RCOR3: variants seen among roughly 807,000 people sequenced by gnomAD.
The protein encoded by RCOR3 is REST corepressor 3.
A neutral mutation model predicts 64.1 loss-of-function variants in RCOR3; 13 were observed. That is an observed-to-expected ratio of 0.20 (90% CI 0.13 to 0.32). The LOEUF is 0.32. Ranked by LOEUF, RCOR3 falls within the 10% of genes least tolerant of loss-of-function variation. The probability of loss-of-function intolerance (pLI) is 1.00; values close to 1 mark genes in which losing one functional copy is unlikely to be tolerated. For missense variants in RCOR3, 489 were observed against 701.2 expected, an observed-to-expected ratio of 0.70 and a Z score of 3.42; for synonymous variants, 215 against 239.0, an observed-to-expected ratio of 0.90 and a Z score of 0.93.
At chr1:211,290,511 A>G (rs1699122130) in intron 8 of RCOR3, among the ~76,000 whole-genome samples, 1 of 152,094 alleles carries the variant, frequency 6.6e-6, no homozygotes, top group Non-Finnish European at 1.5e-5. Flanking sequence ...GACAATAACT[A>G]TCTTGTGGAT....
intron 7 of RCOR3, among the ~76,000 whole-genome samples, chr1:211,281,764 A>G (rs1441554080): frequency 2.0e-5 from 3 of 152,240 alleles, no homozygotes; most frequent in East Asian, 1.9e-4. Context: ...TAGCTTCTCT[A>G]TGAAATCTTG....
At chr1:211,265,262 TTAAATA>T (rs10558137) in intron 2 of RCOR3, among the ~76,000 whole-genome samples, 4,222 of 152,288 alleles carry the variant, frequency 0.028, 205 homozygotes, top group African/African-American at 0.095. Context: ...ATGTATCCAA[TTAAATA>T]TAAATACTAC....
chr1:211,266,138 C>T (rs1413726588), intron 2 of RCOR3, among the ~76,000 whole-genome samples: 1 of 151,854 alleles, frequency 6.6e-6, no homozygotes, highest in Non-Finnish European at 1.5e-5. Context: ...GCTCATGTAC[C>T]CTGGGAAAGT....
Position 211,312,540 on chromosome 1 carries a change from A to T in RCOR3, c.1076-180A>T. 3.1e-6 allele frequency: 2 copies of T among 655,038 alleles called. No individual in the cohort carries two copies. The highest frequency in any genetic ancestry group is 3.5e-5 in the South Asian group (2 of 57,794). 40.6% of individuals were successfully genotyped at this position (655,038 alleles called of 1,614,324 possible). On this transcript the variant is annotated intron_variant, in intron 10 of 11. Coordinates refer to ENST00000419091, the MANE Select transcript of RCOR3 (RefSeq NM_001136223.3). The surrounding 1 kb of genome is among the most constrained non-coding windows in gnomAD (Gnocchi z 5.0). ...CAAGTGGCTGGCTCGATGAAATGACATAACTGATAGTTTTCATCTGTGACC... is the reference window on the plus strand; with the variant it reads ...CAAGTGGCTGGCTCGATGAAATGACTTAACTGATAGTTTTCATCTGTGACC...
Position 211,278,231 on chromosome 1 carries a change from C to G in RCOR3, c.631C>G (p.Gln211Glu). ...QARKLANRHN[Q>E]GDSDDDVEET... ...TCGTAAACTAGCTAATAGACATAAT[C>G]AGGGTGACAGGTAGGTTGGTTACCT... is the stretch of plus-strand genomic sequence containing the variant. The change falls in exon 6 of 12, where the codon CAG becomes GAG. Residue 211 changes from glutamine to glutamate, a missense_variant. This residue lies in a region of RCOR3 where 402 missense variants were observed against 617.0 expected (regional missense o/e 0.65). Transcript: ENST00000419091. The G allele has an allele frequency of 1.9e-6, 3 of 1,613,658 alleles. No individual in the cohort carries two copies. The highest frequency in any genetic ancestry group is 1.7e-6 in the Non-Finnish European group (2 of 1,179,824).
intron 3 of RCOR3, 160 bp downstream of exon 3, chr1:211,271,469 T>G: frequency 1.5e-6 from 1 of 672,804 alleles, no homozygotes; most frequent in Non-Finnish European, 2.7e-6. Flanking sequence ...TGGAGGTTGT[T>G]ATATTAGAAT....
Position 211,276,245 on chromosome 1 carries a change from T to C in RCOR3, c.355-12T>C. 1.2e-6 allele frequency: 2 copies of C among 1,608,884 alleles called. No individual in the cohort carries two copies. Among genetic ancestry groups the C allele is most frequent in the Non-Finnish European group, 1.7e-6 (2 of 1,177,492 alleles). ...TCCATTAAAACCAAAGGGGAATGATTTCTCTTCAAAGGCACTTGGCATGTT... is the reference window on the plus strand; with the variant it reads ...TCCATTAAAACCAAAGGGGAATGATCTCTCTTCAAAGGCACTTGGCATGTT... On this transcript the variant is annotated splice_polypyrimidine_tract_variant and intron_variant, in intron 4 of 11. Coordinates refer to ENST00000419091, the MANE Select transcript of RCOR3 (RefSeq NM_001136223.3).
At chr1:211,304,619 C>G (rs1700684363) in intron 10 of RCOR3, among the ~76,000 whole-genome samples, 1 of 152,084 alleles carries the variant, frequency 6.6e-6, no homozygotes, top group Admixed American at 6.5e-5. Context: ...AAGAGATGTA[C>G]CACTGAATGC....
intron 6 of RCOR3, among the ~76,000 whole-genome samples, chr1:211,278,576 G>C (rs374494851): frequency 3.9e-5 from 6 of 152,118 alleles, no homozygotes; most frequent in East Asian, 1.9e-4. Flanking sequence ...TCTTTTGATA[G>C]TATAAAATCA....
intron 9 of RCOR3, among the ~76,000 whole-genome samples, chr1:211,296,916 TA>T (rs1437863055): frequency 6.6e-6 from 1 of 152,108 alleles, no homozygotes; most frequent in Non-Finnish European, 1.5e-5. Context: ...TTTTGTAATC[TA>T]AAATGTAAAT....
chr1:211,275,198 T>C (rs1696800028), intron 4 of RCOR3, among the ~76,000 whole-genome samples: 1 of 151,998 alleles, frequency 6.6e-6, no homozygotes, highest in South Asian at 2.1e-4. Context: ...TAGGTAGATT[T>C]GTTTTAAGAT....
chr1:211,276,127 T>G (rs892110445), intron 4 of RCOR3, 130 bp from the exon 5 acceptor site: 18 of 833,010 alleles, frequency 2.2e-5, no homozygotes, highest in Non-Finnish European at 3.4e-5. Context: ...TGATTTAAAG[T>G]CCCAAACTGT....
intron 10 of RCOR3, among the ~76,000 whole-genome samples, chr1:211,310,001 A>G (rs1701323552): frequency 6.6e-6 from 1 of 152,220 alleles, no homozygotes. Flanking sequence ...AAGGTGATGA[A>G]GAATTCAGCC....
intron 2 of RCOR3, among the ~76,000 whole-genome samples, chr1:211,264,082 C>G (rs1694810113): frequency 6.6e-6 from 1 of 152,170 alleles, no homozygotes; most frequent in South Asian, 2.1e-4. Flanking sequence ...CTTGGCCTCC[C>G]AAAGTGTTGG....
At chr1:211,266,323 C>T (rs1318107622) in intron 2 of RCOR3, among the ~76,000 whole-genome samples, 1 of 151,968 alleles carries the variant, frequency 6.6e-6, no homozygotes, top group Non-Finnish European at 1.5e-5. Flanking sequence ...TTTTTAATGT[C>T]TAGATTTTTA....
intron 2 of RCOR3, among the ~76,000 whole-genome samples, chr1:211,267,556 G>T (rs1430033558): frequency 1.3e-5 from 2 of 152,110 alleles, no homozygotes; most frequent in African/African-American, 4.8e-5. Flanking sequence ...CTGTCAGATG[G>T]GGCCCTTAAT....
At chr1:211,305,933 T>A (rs1700806384) in intron 10 of RCOR3, among the ~76,000 whole-genome samples, 1 of 152,200 alleles carries the variant, frequency 6.6e-6, no homozygotes. Flanking sequence ...TATGTACATT[T>A]AAAAAGTAAC....
intron 3 of RCOR3, among the ~76,000 whole-genome samples, chr1:211,273,612 A>G (rs79316323): frequency 0.033 from 5,084 of 152,276 alleles, 269 homozygotes; most frequent in African/African-American, 0.12. Context: ...CTGCTTATCT[A>G]AATAATTCTG....
At chr1:211,286,766 G>C (rs907290317) in intron 7 of RCOR3, among the ~76,000 whole-genome samples, 1 of 152,148 alleles carries the variant, frequency 6.6e-6, no homozygotes, top group African/African-American at 2.4e-5. Context: ...TTATATACTA[G>C]TTTTGTGCAC....
Sources: gnomAD v4.1 joint callset for allele counts (sites outside exome capture counted in the v4.1 genomes callset) on GRCh38, gnomAD v4.1.1 for gene constraint, gnomAD v4.1.1 regional missense constraint, Gnocchi (gnomAD v3.1) non-coding constraint, MANE v1.5 for transcripts, NCBI Gene and HGNC (gene_info 2026-07-23, HGNC 2026-07-21) for gene names.